The following QNG1 variants were observed in gnomAD, a reference collection of about 807,000 sequenced individuals.
QNG1 encodes the protein Q-nucleotide N-glycosylase 1, also known as queuosine 5'-phosphate N-glycosylase/hydrolase.
At chr9:83,944,705 T>A in the QNG1 span, 38 of 1,020,356 alleles carry the variant, frequency 3.7e-5, no homozygotes, top group Non-Finnish European at 5.3e-5. Context: ...AGTACTTTTT[T>A]TTTAAAGCAA....
At chr9:83,950,760 C>T in the QNG1 span, among the ~76,000 whole-genome samples, 1 of 151,742 alleles carries the variant, frequency 6.6e-6, no homozygotes, top group Non-Finnish European at 1.5e-5. Flanking sequence ...CCACCAAGGC[C>T]AGTTAATTTT....
the QNG1 span, among the ~76,000 whole-genome samples, chr9:83,943,672 G>A: frequency 1.3e-5 from 2 of 152,120 alleles, no homozygotes; most frequent in African/African-American, 2.4e-5. Context: ...TGATCTGGGG[G>A]ATTCAAATCT....
At chr9:83,945,598 CTTATTA>C in the QNG1 span, among the ~76,000 whole-genome samples, 1 of 151,530 alleles carries the variant, frequency 6.6e-6, no homozygotes, top group Non-Finnish European at 1.5e-5. Context: ...AATCCTAGGG[CTTATTA>C]TTATTATTAT....
chr9:83,956,431 C>G, the QNG1 span: 2 of 1,567,846 alleles, frequency 1.3e-6, no homozygotes, highest in African/African-American at 2.7e-5. Flanking sequence ...CCTCCGCTGT[C>G]AATAAACACA....
chr9:83,941,869 C>T, the QNG1 span, among the ~76,000 whole-genome samples: 3 of 151,140 alleles, frequency 2.0e-5, no homozygotes, highest in Non-Finnish European at 2.9e-5. Context: ...GCTGAGATGG[C>T]GCCATTGCAC....
chr9:83,946,953 C>T, the QNG1 span, among the ~76,000 whole-genome samples: 99 of 151,456 alleles, frequency 6.5e-4, 2 homozygotes, highest in East Asian at 0.013. Context: ...TGCCTGTAGT[C>T]TCAGCTACTC....
chr9:83,949,023 T>G, the QNG1 span, among the ~76,000 whole-genome samples: 1 of 125,110 alleles, frequency 8.0e-6, no homozygotes, highest in Non-Finnish European at 1.6e-5. Flanking sequence ...CTGCTGACCT[T>G]CCCTCCACTA....
the QNG1 span, among the ~76,000 whole-genome samples, chr9:83,943,296 C>T: frequency 1.5e-3 from 220 of 142,788 alleles, no homozygotes; most frequent in African/African-American, 5.6e-3. Flanking sequence ...GCCGAGATCA[C>T]GCCACCACAC....
chr9:83,948,019 G>C, the QNG1 span, among the ~76,000 whole-genome samples: 2 of 148,450 alleles, frequency 1.3e-5, no homozygotes, highest in Non-Finnish European at 3.0e-5. Context: ...GCCCAGTCTG[G>C]GAAGTGAGGA....
At chr9:83,955,198 TCAAA>T in the QNG1 span, among the ~76,000 whole-genome samples, 9 of 152,342 alleles carry the variant, frequency 5.9e-5, no homozygotes, top group East Asian at 1.9e-4. Flanking sequence ...AAACTCTGTC[TCAAA>T]CAAACAAACA....
At chr9:83,956,446 G>C in the QNG1 span, 1 of 1,547,854 alleles carries the variant, frequency 6.5e-7, no homozygotes, top group Non-Finnish European at 8.7e-7. Context: ...AACACATCCC[G>C]ACTGTTTTCT....
chr9:83,948,515 G>A, the QNG1 span, among the ~76,000 whole-genome samples: 10 of 145,212 alleles, frequency 6.9e-5, no homozygotes, highest in South Asian at 4.4e-4. Context: ...GTCCGGGAGG[G>A]GGGGGGCGCC....
At chr9:83,949,114 CAG>C in the QNG1 span, among the ~76,000 whole-genome samples, 3 of 150,386 alleles carry the variant, frequency 2.0e-5, no homozygotes, top group Non-Finnish European at 4.4e-5. Flanking sequence ...AAAAAAAAGT[CAG>C]AATTTGTTTT....
At chr9:83,950,333 C>T in the QNG1 span, among the ~76,000 whole-genome samples, 1 of 152,054 alleles carries the variant, frequency 6.6e-6, no homozygotes, top group Non-Finnish European at 1.5e-5. Context: ...CAGGTATGAG[C>T]CACCACGCCT....
the QNG1 span, chr9:83,939,691 C>T: frequency 1.7e-5 from 27 of 1,614,148 alleles, no homozygotes; most frequent in East Asian, 2.2e-5. Flanking sequence ...CACACCAAAG[C>T]GAGCACCCTC....
chr9:83,955,324 A>C, the QNG1 span: 1 of 1,546,750 alleles, frequency 6.5e-7, no homozygotes, highest in African/African-American at 1.4e-5. Flanking sequence ...TCTGGAAGTA[A>C]AAGAGTTAAC....
chr9:83,949,605 C>G, the QNG1 span, among the ~76,000 whole-genome samples: 1 of 152,014 alleles, frequency 6.6e-6, no homozygotes, highest in Non-Finnish European at 1.5e-5. Flanking sequence ...GAGTTCACGC[C>G]ATTGCACTCC....
the QNG1 span, among the ~76,000 whole-genome samples, chr9:83,948,401 G>A: frequency 3.9e-3 from 583 of 150,578 alleles, 5 homozygotes; most frequent in African/African-American, 0.012. Context: ...CCCCCAGCCC[G>A]GCAGCCGCCC....
At chr9:83,938,920 T>A in the QNG1 span, 1 of 153,176 alleles carries the variant, frequency 6.5e-6, no homozygotes, top group Admixed American at 6.5e-5. Flanking sequence ...GGCTAATTTT[T>A]AAATTTTTGT....
Sources: gnomAD v4.1 joint callset for allele counts (sites outside exome capture counted in the v4.1 genomes callset) on GRCh38, gnomAD v4.1.1 for gene constraint, MANE v1.5 for transcripts, NCBI Gene and HGNC (gene_info 2026-07-23, HGNC 2026-07-21) for gene names.